The following METTL9 variants were observed in gnomAD, a reference collection of about 807,000 sequenced individuals.
METTL9 encodes the protein protein-L-histidine N-pros-methyltransferase.
A neutral mutation model predicts 36.0 loss-of-function variants in METTL9; 10 were observed. The observed-to-expected ratio is 0.28, with a 90% confidence interval of 0.17 to 0.47. The LOEUF (loss-of-function observed/expected upper bound fraction) is 0.47. METTL9 is among the 20% of genes least tolerant of loss of function. The pLI is 0.99. For synonymous variants in METTL9, 175 were observed against 149.7 expected (o/e 1.17, Z -1.23); for missense variants, 246 against 383.5 (o/e 0.64, Z 3.00).
intron 4 of METTL9, chr16:21,652,572 G>A (rs747337935): frequency 8.1e-6 from 13 of 1,610,740 alleles, no homozygotes; most frequent in South Asian, 4.4e-5. Context: ...GATGGCGAGC[G>A]ATGTTGCTTC....
intron 4 of METTL9, among the ~76,000 whole-genome samples, chr16:21,630,181 A>C (rs1965918259): frequency 6.6e-6 from 1 of 152,168 alleles, no homozygotes; most frequent in Non-Finnish European, 1.5e-5. Context: ...TGGCTGCGGG[A>C]CTTTGCGGCA....
At chr16:21,651,684 T>C (rs1966579926) in intron 4 of METTL9, among the ~76,000 whole-genome samples, 2 of 152,276 alleles carry the variant, frequency 1.3e-5, no homozygotes, top group South Asian at 4.1e-4. Flanking sequence ...ATCACATGGC[T>C]TCGACCCAAT....
intron 4 of METTL9, chr16:21,647,189 C>T: frequency 6.2e-7 from 1 of 1,614,198 alleles, no homozygotes; most frequent in South Asian, 1.1e-5. Context: ...TTCCGGCACA[C>T]TGGGGAATGC....
At chr16:21,642,413 A>T (rs2141611343) in intron 4 of METTL9, 1 of 152,350 alleles carries the variant, frequency 6.6e-6, no homozygotes, top group Admixed American at 6.5e-5. Flanking sequence ...AAAAATAAAT[A>T]AAAATAAATT....
chr16:21,599,727 G>C lies in METTL9; in HGVS notation c.-7G>C. 1.3e-6 allele frequency: 2 copies of C among 1,500,744 alleles called. No individual in the cohort carries two copies. 93.0% of individuals were successfully genotyped at this position (1,500,744 alleles called of 1,614,324 possible). A position where few individuals can be genotyped will look rare whatever the true frequency, so the allele number is the denominator to read the frequency against. ...GCGGTGATCCGAGCGAGCGGCCGCG[G>C]CCCCCGATGAGACTGCTGGCGGGCT... On this transcript the variant is annotated 5_prime_UTR_variant, in exon 1 of 5. Transcript: ENST00000358154. This position sits in a 1 kb window ranked among gnomAD's most constrained non-coding sequence, Gnocchi z 4.4.
chr16:21,650,540 G>A (rs991493472), intron 4 of METTL9, among the ~76,000 whole-genome samples: 8 of 151,680 alleles, frequency 5.3e-5, no homozygotes, highest in Admixed American at 4.6e-4. Context: ...AGAGGTTGGG[G>A]TGGCGGGGAT....
intron 4 of METTL9, chr16:21,640,107 T>A (rs1322746791): frequency 6.7e-6 from 1 of 149,244 alleles, no homozygotes; most frequent in Admixed American, 6.6e-5. Context: ...CCCGCTAAAT[T>A]TTTTTGTATT....
At chr16:21,640,247 C>T (rs1478726607) in intron 4 of METTL9, 1 of 152,020 alleles carries the variant, frequency 6.6e-6, no homozygotes, top group Middle Eastern at 3.4e-3. Flanking sequence ...CTAAAAGAGA[C>T]ACTTTAATGA....
intron 4 of METTL9, 83 bp downstream of exon 4, chr16:21,625,198 AT>A: frequency 7.0e-7 from 1 of 1,432,030 alleles, no homozygotes; most frequent in South Asian, 1.2e-5. Flanking sequence ...ACAATTAAAT[AT>A]TGTCTAGTAT....
chr16:21,610,173 G>A (rs987976545), intron 1 of METTL9, among the ~76,000 whole-genome samples: 2 of 152,168 alleles, frequency 1.3e-5, no homozygotes, highest in African/African-American at 4.8e-5. Context: ...GCCCCTGGCA[G>A]CCACAATCTA....
intron 4 of METTL9, chr16:21,646,756 A>G: frequency 1.3e-5 from 4 of 311,330 alleles, no homozygotes; most frequent in South Asian, 1.1e-4. Context: ...CTGGGTTACA[A>G]GCGATTCTCC....
intron 1 of METTL9, among the ~76,000 whole-genome samples, chr16:21,606,207 C>T (rs1265355846): frequency 6.6e-6 from 1 of 151,980 alleles, no homozygotes; most frequent in Non-Finnish European, 1.5e-5. Context: ...CGTGGTGGCA[C>T]GTGCCTGTAA....
chr16:21,649,245 G>A (rs1024228209), intron 4 of METTL9, among the ~76,000 whole-genome samples: 1 of 152,054 alleles, frequency 6.6e-6, no homozygotes, highest in African/African-American at 2.4e-5. Flanking sequence ...CGCTTGCCTC[G>A]GCCTTCCAAA....
At chr16:21,621,176 T>G (rs187818071) in intron 3 of METTL9, among the ~76,000 whole-genome samples, 1,927 of 149,530 alleles carry the variant, frequency 0.013, 43 homozygotes, top group East Asian at 0.08. Context: ...GTGTGTGTGT[T>G]TTTGTGTGTT....
intron 4 of METTL9, chr16:21,626,946 G>A (rs1448110346): frequency 1.0e-6 from 1 of 985,156 alleles, no homozygotes; most frequent in Non-Finnish European, 1.2e-6. Context: ...AAAATGGAGA[G>A]GAAGTCAAAC....
chr16:21,597,816 C>T (rs2152891299), upstream of METTL9, among the ~76,000 whole-genome samples: 1 of 152,186 alleles, frequency 6.6e-6, no homozygotes, highest in East Asian at 1.9e-4. Context: ...GACTTGCTAC[C>T]ATAGTTCCTT....
At chr16:21,627,057 C>G (rs553914906) in intron 4 of METTL9, 106 of 985,320 alleles carry the variant, frequency 1.1e-4, no homozygotes, top group Non-Finnish European at 1.1e-4. Context: ...ATGTGACACA[C>G]TGCAGACCTG....
intron 4 of METTL9, among the ~76,000 whole-genome samples, chr16:21,648,312 A>G (rs954153021): frequency 3.3e-5 from 5 of 152,184 alleles, no homozygotes; most frequent in African/African-American, 1.2e-4. Flanking sequence ...TCAGTATCTC[A>G]GTTTCCTCAT....
chr16:21,617,879 GC>G lies in METTL9; in HGVS notation c.372del (p.Ser125GlnfsTer28). The G allele has an allele frequency of 6.2e-7, 1 of 1,613,868 alleles. No individual in the cohort carries two copies. The highest frequency in any genetic ancestry group is 8.5e-7 in the Non-Finnish European group (1 of 1,179,944). ...RTSINGLLGR[G>X]SMFVFSPDQF... ...TTTTCTTTCAGGTTGCTAGGAAGAG[GC>G]TCAATGTTTGTGTTTTCACCAGATC... On this transcript the variant is annotated frameshift_variant, in exon 3 of 5. Coordinates refer to ENST00000358154, the MANE Select transcript of METTL9 (RefSeq NM_016025.5). LOFTEE classifies it high-confidence loss of function.
Sources: gnomAD v4.1 joint callset for allele counts (sites outside exome capture counted in the v4.1 genomes callset) on GRCh38, gnomAD v4.1.1 for gene constraint, Gnocchi (gnomAD v3.1) non-coding constraint, MANE v1.5 for transcripts, NCBI Gene and HGNC (gene_info 2026-07-23, HGNC 2026-07-21) for gene names.